The following RIMBP2 variants were observed in gnomAD, a reference collection of about 807,000 sequenced individuals.
RIMBP2 encodes RIMS-binding protein 2.
RIMBP2 carries 48 observed loss-of-function variants against 118.6 expected under a neutral mutation model. That is an observed-to-expected ratio of 0.40 (90% CI 0.32 to 0.51). The LOEUF (loss-of-function observed/expected upper bound fraction) is 0.51. RIMBP2 is among the 20% of genes least tolerant of loss of function. The probability of loss-of-function intolerance (pLI) is 0.41; values close to 1 mark genes in which losing one functional copy is unlikely to be tolerated. For synonymous variants in RIMBP2, 762 were observed against 742.9 expected (o/e 1.03, Z -0.42); for missense variants, 1,551 against 1,768.3 (o/e 0.88, Z 2.20).
chr12:130,601,405 T>C (rs2059878279), intron 2 of RIMBP2, among the ~76,000 whole-genome samples: 1 of 150,160 alleles, frequency 6.7e-6, no homozygotes, highest in African/African-American at 2.5e-5. Context: ...TCTTGTTGGA[T>C]TGACAGCCTC....
chr12:130,664,415 A>ACGCACG (rs1195044326), intron 1 of RIMBP2, among the ~76,000 whole-genome samples: 4 of 130,490 alleles, frequency 3.1e-5, no homozygotes, highest in South Asian at 2.7e-4. Context: ...ACGCACGCAC[A>ACGCACG]CACACGCACA....
At chr12:130,436,028 C>T (rs1434015068) in intron 13 of RIMBP2, among the ~76,000 whole-genome samples, 1 of 152,214 alleles carries the variant, frequency 6.6e-6, no homozygotes, top group African/African-American at 2.4e-5. Flanking sequence ...GGCCGAGGGT[C>T]CTGACCAGGG....
In RIMBP2 at chr12:130,551,315, CA is replaced by C. The variant is rs1334060037; in HGVS notation, c.-216-33399del. On this transcript the variant is annotated intron_variant, in intron 2 of 22. Coordinates refer to ENST00000690449, the MANE Select transcript of RIMBP2 (RefSeq NM_001393629.1). ...CAGAGGGGCTTAAATGGCAGGAAAA[CA>C]ATTCATATAATTGTGCTATCACCCT... 2.6e-5 allele frequency among the ~76,000 whole-genome samples: 4 copies of C among 152,304 alleles called. No homozygotes were observed. In the East Asian group the frequency reaches 7.7e-4, roughly 29 times the overall value.
rs1432883158 is a variant in RIMBP2 at position 130,447,203 on chromosome 12, G to A, written c.582-1934C>T. 1.3e-5 allele frequency among the ~76,000 whole-genome samples: 2 copies of A among 152,060 alleles called. No individual in the cohort carries two copies. Among genetic ancestry groups the A allele is most frequent in the East Asian group, 3.9e-4 (2 of 5,182 alleles). Reference sequence around the variant, plus strand: ...CAGGTAGGGAAGACACACCCTGAGAGCTTGAGAGGGAAGCCGCGGAGGCCA... The same window carrying A: ...CAGGTAGGGAAGACACACCCTGAGAACTTGAGAGGGAAGCCGCGGAGGCCA... On this transcript the variant is annotated intron_variant, in intron 9 of 22. Transcript: ENST00000690449. This position sits in a 1 kb window ranked among gnomAD's most constrained non-coding sequence, Gnocchi z 4.4.
intron 2 of RIMBP2, among the ~76,000 whole-genome samples, chr12:130,537,652 C>T (rs1039955510): frequency 2.0e-5 from 3 of 152,198 alleles, no homozygotes; most frequent in Non-Finnish European, 4.4e-5. Flanking sequence ...AGTTTCTGTT[C>T]ACCTCATGCA....
At position 130,531,914 on chromosome 12, in the gene RIMBP2, C is replaced by T. The variant is rs899259065; in HGVS notation, c.-216-13997G>A. On this transcript the variant is annotated intron_variant, in intron 2 of 22. Transcript: ENST00000690449. ...GCGTATGTTTAGCCTCTAGGAGTTA[C>T]GTCTAATGAGATGCGTATGTTTAGC... Among the ~76,000 whole-genome samples the T allele has an allele frequency of 1.4e-3, 211 of 148,046 alleles. 2 individuals carry two copies. The highest frequency in any genetic ancestry group is 4.9e-3 in the African/African-American group (194 of 39,816).
At chr12:130,649,416 T>G (rs963007846) in intron 1 of RIMBP2, among the ~76,000 whole-genome samples, 5 of 152,206 alleles carry the variant, frequency 3.3e-5, no homozygotes, top group African/African-American at 4.8e-5. Flanking sequence ...AGTGGGGTAC[T>G]GGGAAGGGCG....
chr12:130,435,835 T>C (rs868034095), intron 13 of RIMBP2, among the ~76,000 whole-genome samples: 8 of 152,244 alleles, frequency 5.3e-5, no homozygotes, highest in Middle Eastern at 3.4e-3. Context: ...GGGCGGAAGG[T>C]AGCTCCCTGC....
chr12:130,701,340 G>C (rs1457680975), intron 1 of RIMBP2, among the ~76,000 whole-genome samples: 2 of 152,204 alleles, frequency 1.3e-5, no homozygotes, highest in Admixed American at 6.5e-5. Flanking sequence ...ACCAGCAGGT[G>C]TTGTGGTTGG....
chr12:130,402,387 A>T (rs181955094), intron 21 of RIMBP2, among the ~76,000 whole-genome samples: 37 of 152,266 alleles, frequency 2.4e-4, no homozygotes, highest in Non-Finnish European at 5.0e-4. Context: ...ACTGGCAGTC[A>T]GAACGCTGGA....
chr12:130,477,961 A>G lies in RIMBP2; in HGVS notation c.102+951T>C, dbSNP rs545585961. Among the ~76,000 whole-genome samples, 11 of 152,276 alleles carry G rather than the reference A, an allele frequency of 7.2e-5. No homozygotes were observed. In the South Asian group the frequency reaches 1.7e-3, roughly 23 times the overall value. ...GCTGGGTGGGGACACTGGGCTCTGG[A>G]AGGAAATGAGATGAGACCTGTTCAC... is the stretch of plus-strand genomic sequence containing the variant. On this transcript the variant is annotated intron_variant, in intron 5 of 22. Transcript: ENST00000690449.
intron 1 of RIMBP2, among the ~76,000 whole-genome samples, chr12:130,704,030 C>T (rs78614195): frequency 0.023 from 3,497 of 152,184 alleles, 55 homozygotes; most frequent in East Asian, 0.082. Context: ...AGCTATAAAT[C>T]GGAGCCCCAT....
At chr12:130,654,721 A>G (rs2063353658) in intron 1 of RIMBP2, among the ~76,000 whole-genome samples, 1 of 152,220 alleles carries the variant, frequency 6.6e-6, no homozygotes, top group African/African-American at 2.4e-5. Flanking sequence ...GGTAATTTAT[A>G]AGGAAAACAG....
intron 1 of RIMBP2, among the ~76,000 whole-genome samples, chr12:130,684,228 G>A (rs1566454939): frequency 6.6e-6 from 1 of 152,004 alleles, no homozygotes; most frequent in African/African-American, 2.4e-5. Flanking sequence ...CTATCACCTG[G>A]AAGTCCCCAT....
intron 4 of RIMBP2, among the ~76,000 whole-genome samples, chr12:130,491,523 C>G (rs923122646): frequency 6.6e-6 from 1 of 152,236 alleles, no homozygotes; most frequent in African/African-American, 2.4e-5. Context: ...CAGGCCACCA[C>G]GCACACTGTT....
intron 1 of RIMBP2, among the ~76,000 whole-genome samples, chr12:130,664,409 A>ACGCACGCACACGCACG (rs2063797710): frequency 1.0e-5 from 1 of 97,772 alleles, no homozygotes; most frequent in Non-Finnish European, 2.6e-5. Context: ...GCACGCACGC[A>ACGCACGCACACGCACG]CGCACACACA....
At chr12:130,482,862 A>G (rs2082134011) in intron 4 of RIMBP2, among the ~76,000 whole-genome samples, 2 of 120,846 alleles carry the variant, frequency 1.7e-5, no homozygotes. Context: ...ATCCAAATAC[A>G]CCCATTGTGT....
chr12:130,695,013 C>T (rs186433962), intron 1 of RIMBP2, among the ~76,000 whole-genome samples: 3 of 152,332 alleles, frequency 2.0e-5, no homozygotes, highest in Admixed American at 6.5e-5. Context: ...GTCAGTGTCG[C>T]TCCCATTATG....
Position 130,566,644 on chromosome 12 carries a change from A to T in RIMBP2, c.-216-48727T>A, listed in dbSNP as rs536424208. On this transcript the variant is annotated intron_variant, in intron 2 of 22. Coordinates refer to ENST00000690449, the MANE Select transcript of RIMBP2 (RefSeq NM_001393629.1). ...TTGGAAGTGATCCATCACCAGCTTC[A>T]GCTGAGCCTCCGGACTCTGCAGCCC... is the stretch of plus-strand genomic sequence containing the variant. 1.5e-4 allele frequency among the ~76,000 whole-genome samples: 23 copies of T among 152,360 alleles called. No individual in the cohort carries two copies. In the East Asian group the frequency reaches 3.7e-3, roughly 24 times the overall value.
Sources: allele counts gnomAD v4.1 joint callset (sites outside exome capture counted in the v4.1 genomes callset), GRCh38; gene constraint gnomAD v4.1.1; non-coding constraint Gnocchi (gnomAD v3.1); transcripts MANE v1.5; gene names NCBI Gene and HGNC (gene_info 2026-07-23, HGNC 2026-07-21).